Variants in CASK observed in about 807,000 individuals in gnomAD.
CASK encodes the protein peripheral plasma membrane protein CASK.
CASK carries 4 observed loss-of-function variants against 82.9 expected under a neutral mutation model. That is an observed-to-expected ratio of 0.05 (90% CI 0.02 to 0.11). CASK has a LOEUF of 0.11. Among genes scored for constraint, CASK ranks in the 10% least tolerant of loss-of-function variants. CASK has a pLI of 1.00. For synonymous variants in CASK, 259 were observed against 253.5 expected, an observed-to-expected ratio of 1.02 and a Z score of -0.20; for missense variants, 358 against 720.9, an observed-to-expected ratio of 0.50 and a Z score of 5.76.
At chrX:41,604,660 C>G (rs1329128435) in intron 12 of CASK, among the ~76,000 whole-genome samples, 1 of 111,452 alleles carries the variant, frequency 9.0e-6, no homozygotes, top group African/African-American at 3.3e-5. Flanking sequence ...AAACTAATGT[C>G]AAATTGTACT....
chrX:41,676,385 G>C, intron 5 of CASK: 1 of 1,198,946 alleles, frequency 8.3e-7, no homozygotes, highest in Non-Finnish European at 1.1e-6. Context: ...CTCCTCATTG[G>C]ATAATTCAGC....
intron 8 of CASK, among the ~76,000 whole-genome samples, chrX:41,637,213 A>G (rs764966229): frequency 9.2e-6 from 1 of 108,601 alleles, no homozygotes; most frequent in East Asian, 2.9e-4. Flanking sequence ...TCGGCCTCCC[A>G]GAGTGCTGGG....
intron 2 of CASK, among the ~76,000 whole-genome samples, chrX:41,847,310 C>A (rs192251462): frequency 9.0e-6 from 1 of 111,634 alleles, no homozygotes; most frequent in Non-Finnish European, 1.9e-5. Flanking sequence ...TTTTATCTTT[C>A]AGTTCTGAAG....
chrX:41,543,954 T>C (rs1023821466), intron 21 of CASK, among the ~76,000 whole-genome samples: 1 of 112,347 alleles, frequency 8.9e-6, no homozygotes, highest in African/African-American at 3.2e-5. Context: ...TTAGTTTACG[T>C]TTCACTCATT....
intron 1 of CASK, among the ~76,000 whole-genome samples, chrX:41,921,615 G>T (rs2072782271): frequency 9.0e-6 from 1 of 111,167 alleles, no homozygotes; most frequent in African/African-American, 3.3e-5. Flanking sequence ...GGCTGGTCAT[G>T]TAACAATAGG....
intron 14 of CASK, chrX:41,585,417 C>G (rs1281697696): frequency 1.8e-5 from 2 of 112,538 alleles, no homozygotes; most frequent in African/African-American, 6.4e-5. Flanking sequence ...AGGAAAAAAA[C>G]TTTATTTCAA....
At chrX:41,598,550 C>T (rs1413397501) in intron 12 of CASK, among the ~76,000 whole-genome samples, 2 of 110,696 alleles carry the variant, frequency 1.8e-5, no homozygotes, top group Non-Finnish European at 3.8e-5. Flanking sequence ...TTAGTAGAGA[C>T]GGGGATTCAC....
At chrX:41,908,513 G>C (rs1195395) in intron 1 of CASK, among the ~76,000 whole-genome samples, 19,135 of 111,340 alleles carry the variant, frequency 0.17, 1,463 homozygotes, top group Middle Eastern at 0.29. Context: ...GATTAAGTTA[G>C]ATTACACTAG....
intron 2 of CASK, among the ~76,000 whole-genome samples, chrX:41,802,939 T>C (rs747005800): frequency 1.8e-5 from 2 of 110,990 alleles, no homozygotes; most frequent in African/African-American, 3.3e-5. Flanking sequence ...TAGAGTAATA[T>C]AAAGACATTT....
At position 41,672,771 on chromosome X, in the gene CASK, G is replaced by A. The variant is rs545067058; in HGVS notation, c.430-1241C>T. On this transcript the variant is annotated intron_variant, in intron 5 of 26. Coordinates refer to ENST00000378163, the MANE Select transcript of CASK (RefSeq NM_001367721.1). Reference sequence around the variant, plus strand: ...CAGAGATGAGCCAGGAAATACAAGTGTGTATGTGAGAGCCAGAGAAAGAAG... The same window carrying A: ...CAGAGATGAGCCAGGAAATACAAGTATGTATGTGAGAGCCAGAGAAAGAAG... Among the ~76,000 whole-genome samples the A allele has an allele frequency of 2.7e-5, 3 of 112,134 alleles. No homozygotes were observed. The South Asian group carries it at 1.1e-3, about 42-fold the overall frequency.
chrX:41,674,331 G>A (rs190829651), intron 5 of CASK, among the ~76,000 whole-genome samples: 95 of 111,070 alleles, frequency 8.6e-4, no homozygotes, highest in African/African-American at 2.9e-3. Flanking sequence ...AAGACAGAAG[G>A]CTAAAAAAGG....
chrX:41,869,220 G>A (rs1019795411), intron 1 of CASK, among the ~76,000 whole-genome samples: 2 of 111,594 alleles, frequency 1.8e-5, no homozygotes, highest in African/African-American at 6.5e-5. Context: ...GAATGAATGA[G>A]TGAGTGAATA....
intron 1 of CASK, among the ~76,000 whole-genome samples, chrX:41,860,371 C>CA (rs1429202940): frequency 1.8e-5 from 2 of 111,176 alleles, no homozygotes; most frequent in African/African-American, 6.5e-5. Flanking sequence ...ACAACATTAG[C>CA]AGTAAGAATA....
At chrX:41,556,021 T>C (rs749923056) in intron 19 of CASK, 1 of 135,103 alleles carries the variant, frequency 7.4e-6, no homozygotes, top group East Asian at 1.9e-4. Flanking sequence ...ATATGGCTTT[T>C]CATCATCTTA....
chrX:41,876,637 T>C (rs937710599), intron 1 of CASK, among the ~76,000 whole-genome samples: 4 of 111,879 alleles, frequency 3.6e-5, no homozygotes, highest in African/African-American at 1.3e-4. Flanking sequence ...ATACTGTATA[T>C]GTACCCACCA....
intron 5 of CASK, among the ~76,000 whole-genome samples, chrX:41,671,802 T>C (rs964285399): frequency 8.9e-6 from 1 of 112,241 alleles, no homozygotes; most frequent in African/African-American, 3.2e-5. Context: ...TAAGGAAGCA[T>C]GGATGTTCAA....
rs756667580 is a variant in CASK, at chrX:41,690,813, A to G, written c.430-19283T>C. 3.7e-5 allele frequency among the ~76,000 whole-genome samples: 4 copies of G among 107,975 alleles called. No individual in the cohort carries two copies. The East Asian group carries it at 1.2e-3, about 31-fold the overall frequency. 93.8% of individuals were successfully genotyped at this position (107,975 alleles called of 115,157 possible). ...CTTAGCCTCTCGAGTAGCTGGGACT[A>G]TAGGCGCACGTCACCATACCCGCTA... On this transcript the variant is annotated intron_variant, in intron 5 of 26. Coordinates refer to ENST00000378163, the MANE Select transcript of CASK (RefSeq NM_001367721.1).
rs2066789951 is a variant in CASK, at chrX:41,647,942, G to A, written c.832-11281C>T. Among the ~76,000 whole-genome samples the A allele has an allele frequency of 2.7e-5, 3 of 111,725 alleles. No homozygotes were observed. The South Asian group carries it at 1.1e-3, about 42-fold the overall frequency. ...CAAATTGTACAGCATGTGTGTTTGA[G>A]CAACATGAAATGTAGGCACCTTGAA... On this transcript the variant is annotated intron_variant, in intron 8 of 26. Coordinates refer to ENST00000378163, the MANE Select transcript of CASK (RefSeq NM_001367721.1).
At chrX:41,907,912 G>A (rs150037668) in intron 1 of CASK, among the ~76,000 whole-genome samples, 76 of 111,625 alleles carry the variant, frequency 6.8e-4, no homozygotes, top group African/African-American at 2.1e-3. Flanking sequence ...CCTAGTTCCC[G>A]CGCATGTGCA....
Sources: gnomAD v4.1 joint callset for allele counts (sites outside exome capture counted in the v4.1 genomes callset) on GRCh38, gnomAD v4.1.1 for gene constraint, MANE v1.5 for transcripts, NCBI Gene and HGNC (gene_info 2026-07-23, HGNC 2026-07-21) for gene names.